NKAIN2: variants seen among roughly 807,000 people sequenced by gnomAD.
The protein encoded by NKAIN2 is sodium/potassium transporting ATPase interacting 2.
A neutral mutation model predicts 32.6 loss-of-function variants in NKAIN2; 14 were observed. That is an observed-to-expected ratio of 0.43 (90% CI 0.28 to 0.67). The LOEUF (loss-of-function observed/expected upper bound fraction) is 0.67. Among genes scored for constraint, NKAIN2 ranks in the 30% least tolerant of loss-of-function variants. NKAIN2 has a pLI of 0.17. For missense variants in NKAIN2, 198 were observed against 258.3 expected (o/e 0.77, Z 1.60); for synonymous variants, 80 against 87.2 (o/e 0.92, Z 0.46).
At chr6:124,761,380 G>C (rs535694433) in intron 4 of NKAIN2, among the ~76,000 whole-genome samples, 2 of 152,048 alleles carry the variant, frequency 1.3e-5, no homozygotes, top group Non-Finnish European at 2.9e-5. Flanking sequence ...TTCATACCAC[G>C]TTTCCTTTTA....
chr6:124,619,190 G>A (rs1783019748), intron 3 of NKAIN2, among the ~76,000 whole-genome samples: 6 of 152,138 alleles, frequency 3.9e-5, no homozygotes, highest in Admixed American at 3.9e-4. Context: ...TAATAGGTAT[G>A]TGATTTCAGG....
At chr6:124,407,454 T>C (rs2114480130) in intron 3 of NKAIN2, among the ~76,000 whole-genome samples, 1 of 152,060 alleles carries the variant, frequency 6.6e-6, no homozygotes, top group South Asian at 2.1e-4. Flanking sequence ...TGTTTGGTTT[T>C]TTGTCCTTGC....
rs186108515 is a variant in NKAIN2 at position 124,242,533 on chromosome 6, C to T, written c.55-40472C>T. Among the ~76,000 whole-genome samples, 180 of 152,224 alleles carry T rather than the reference C, an allele frequency of 1.2e-3. 1 individual carries two copies. Among genetic ancestry groups the T allele is most frequent in the African/African-American group, 4.0e-3 (168 of 41,538 alleles). On this transcript the variant is annotated intron_variant, in intron 1 of 6. Coordinates refer to ENST00000368417, the MANE Select transcript of NKAIN2 (RefSeq NM_001040214.3). ...CAGAAATACCATTTGACCCAGCAAT[C>T]CCATTACTGGATATATACCCAAAGG...
At chr6:124,610,042 C>T (rs942917766) in intron 3 of NKAIN2, among the ~76,000 whole-genome samples, 3 of 152,246 alleles carry the variant, frequency 2.0e-5, no homozygotes, top group African/African-American at 4.8e-5. Flanking sequence ...TTATCACTCA[C>T]GACCTCCTCC....
chr6:124,691,931 C>A (rs1295679692), intron 4 of NKAIN2, among the ~76,000 whole-genome samples: 1 of 152,178 alleles, frequency 6.6e-6, no homozygotes, highest in East Asian at 1.9e-4. Context: ...TTTCTAACTT[C>A]TTTCCTGTGT....
intron 1 of NKAIN2, among the ~76,000 whole-genome samples, chr6:124,135,183 A>G (rs892952482): frequency 8.0e-5 from 12 of 150,612 alleles, no homozygotes; most frequent in African/African-American, 2.9e-4. Context: ...TTGAACCGTA[A>G]ATCTCACAGA....
intron 3 of NKAIN2, among the ~76,000 whole-genome samples, chr6:124,591,039 C>A (rs1298477667): frequency 6.6e-6 from 1 of 152,168 alleles, no homozygotes; most frequent in Non-Finnish European, 1.5e-5. Flanking sequence ...GTTTAGGAGC[C>A]CGATTTGCTT....
chr6:124,345,926 A>T (rs1798399895), intron 2 of NKAIN2, among the ~76,000 whole-genome samples: 1 of 151,776 alleles, frequency 6.6e-6, no homozygotes, highest in Admixed American at 6.6e-5. Flanking sequence ...TTGTGATGTT[A>T]GTGTGTCAAT....
intron 4 of NKAIN2, among the ~76,000 whole-genome samples, chr6:124,759,588 AACACACACACACACACACACACAC>A (rs542448143): frequency 0.047 from 3,985 of 84,512 alleles, 167 homozygotes; most frequent in East Asian, 0.068. Flanking sequence ...CTGAAATTGC[AACACACACACACACACACACACAC>A]ACACACACAC....
At chr6:124,028,369 A>G (rs1247876738) in intron 1 of NKAIN2, among the ~76,000 whole-genome samples, 1 of 129,110 alleles carries the variant, frequency 7.7e-6, no homozygotes, top group East Asian at 2.7e-4. Context: ...CAGAAGCATG[A>G]TGGCTATTAA....
At chr6:124,510,604 A>G (rs1778673971) in intron 3 of NKAIN2, among the ~76,000 whole-genome samples, 1 of 152,178 alleles carries the variant, frequency 6.6e-6, no homozygotes, top group African/African-American at 2.4e-5. Flanking sequence ...ATCATAAGCA[A>G]TCTGGTTCAC....
intron 2 of NKAIN2, among the ~76,000 whole-genome samples, chr6:124,316,645 A>T (rs971745451): frequency 1.3e-5 from 2 of 152,174 alleles, no homozygotes; most frequent in African/African-American, 4.8e-5. Context: ...ACAGTTAAGA[A>T]AAGGGAAAGC....
At chr6:124,081,553 T>C (rs904723366) in intron 1 of NKAIN2, among the ~76,000 whole-genome samples, 3 of 152,142 alleles carry the variant, frequency 2.0e-5, no homozygotes, top group African/African-American at 7.2e-5. Flanking sequence ...TGCTGTTTTC[T>C]CTACCAGATA....
chr6:124,374,249 G>A (rs1336150246), intron 3 of NKAIN2, among the ~76,000 whole-genome samples: 1 of 152,006 alleles, frequency 6.6e-6, no homozygotes, highest in Non-Finnish European at 1.5e-5. Flanking sequence ...GCTTCAATGT[G>A]CTTCAGTAAA....
intron 1 of NKAIN2, among the ~76,000 whole-genome samples, chr6:123,873,813 G>GA (rs1277035174): frequency 1.3e-5 from 2 of 152,156 alleles, no homozygotes; most frequent in Non-Finnish European, 2.9e-5. Flanking sequence ...AAGTACAATT[G>GA]ATTTGAAGCA....
At chr6:124,413,577 T>A (rs1359880812) in intron 3 of NKAIN2, among the ~76,000 whole-genome samples, 1 of 152,172 alleles carries the variant, frequency 6.6e-6, no homozygotes, top group Non-Finnish European at 1.5e-5. Flanking sequence ...ATAGTCAGTG[T>A]CTCAAAATAT....
At chr6:124,254,153 T>G (rs1045803202) in intron 1 of NKAIN2, among the ~76,000 whole-genome samples, 9 of 151,544 alleles carry the variant, frequency 5.9e-5, no homozygotes, top group South Asian at 4.2e-4. Flanking sequence ...GATTTCACCA[T>G]GTTGGCCAGG....
chr6:124,337,472 A>C (rs948107666), intron 2 of NKAIN2, among the ~76,000 whole-genome samples: 1 of 152,196 alleles, frequency 6.6e-6, no homozygotes, highest in South Asian at 2.1e-4. Flanking sequence ...GCTCCACTGC[A>C]CTCCAGCCTG....
In NKAIN2 at chr6:124,446,169, A is replaced by G. The variant is rs1352317266; in HGVS notation, c.273+90822A>G. Reference sequence around the variant, plus strand: ...TCATTATGTTGAAAGCAAACACTACATTATTGCTTTTGTTCCTCCATATTG... The same window carrying G: ...TCATTATGTTGAAAGCAAACACTACGTTATTGCTTTTGTTCCTCCATATTG... On this transcript the variant is annotated intron_variant, in intron 3 of 6. Transcript: ENST00000368417. Among the ~76,000 whole-genome samples, 7 of 152,216 alleles carry G rather than the reference A, an allele frequency of 4.6e-5. No homozygotes were observed. In the East Asian group the frequency reaches 1.4e-3, roughly 30 times the overall value.
Sources: gnomAD v4.1 joint callset for allele counts (sites outside exome capture counted in the v4.1 genomes callset) on GRCh38, gnomAD v4.1.1 for gene constraint, MANE v1.5 for transcripts, NCBI Gene and HGNC (gene_info 2026-07-23, HGNC 2026-07-21) for gene names.